The following CLEC2A variants were observed in gnomAD, a reference collection of about 807,000 sequenced individuals.
CLEC2A encodes keratinocyte-associated C-type lectin.
Under a neutral mutation model 18.6 loss-of-function variants are expected in CLEC2A, and 19 were observed. The observed-to-expected ratio is 1.02, with a 90% CI of 0.71 to 1.50. The LOEUF is 1.50. CLEC2A is among the 40% of genes most tolerant of loss of function. The pLI, the probability that CLEC2A is intolerant of heterozygous loss-of-function variation, is 0.00. For synonymous variants in CLEC2A, 74 were observed against 64.0 expected, an observed-to-expected ratio of 1.16 and a Z score of -0.75; for missense variants, 190 against 207.9, an observed-to-expected ratio of 0.91 and a Z score of 0.53.
downstream of CLEC2A, chr12:9,895,793 G>A: frequency 6.5e-7 from 1 of 1,535,558 alleles, no homozygotes; most frequent in South Asian, 1.2e-5. Context: ...ATTTGCCAGA[G>A]AGATGCGATC....
At chr12:9,894,126 T>C (rs12304748), downstream of CLEC2A, among the ~76,000 whole-genome samples, 29 of 130,276 alleles carry the variant, frequency 2.2e-4, no homozygotes, top group South Asian at 1.9e-3. Context: ...TTTCTTTTCT[T>C]TCTCTCTCTC....
the CLEC2A span, among the ~76,000 whole-genome samples, chr12:9,889,949 T>C: frequency 6.6e-6 from 1 of 152,130 alleles, no homozygotes; most frequent in Non-Finnish European, 1.5e-5. Flanking sequence ...TTTTTTATTA[T>C]ATACTTAAAT....
At chr12:9,892,518 A>G in the CLEC2A span, among the ~76,000 whole-genome samples, 1 of 151,862 alleles carries the variant, frequency 6.6e-6, no homozygotes, top group Non-Finnish European at 1.5e-5. Context: ...TCCATCATCC[A>G]AAACCCTGCC....
At chr12:9,888,622 C>G in the CLEC2A span, 6 of 601,008 alleles carry the variant, frequency 1.0e-5, no homozygotes, top group African/African-American at 7.3e-5. Flanking sequence ...AAGAGAAACT[C>G]ACAATTTTTA....
At chr12:9,915,588 C>A (rs1330944623) in intron 4 of CLEC2A, among the ~76,000 whole-genome samples, 2 of 152,082 alleles carry the variant, frequency 1.3e-5, no homozygotes, top group African/African-American at 2.4e-5. Flanking sequence ...TCATCCTCAG[C>A]AAACTAACAC....
downstream of CLEC2A, among the ~76,000 whole-genome samples, chr12:9,911,798 A>G (rs566810815): frequency 3.0e-4 from 45 of 152,284 alleles, no homozygotes; most frequent in Middle Eastern, 6.8e-3. Flanking sequence ...ATTTTTTTTA[A>G]GAGACAGGGC....
At chr12:9,892,047 C>A in the CLEC2A span, among the ~76,000 whole-genome samples, 4 of 152,154 alleles carry the variant, frequency 2.6e-5, no homozygotes, top group Non-Finnish European at 5.9e-5. Context: ...ACCTTCCAAT[C>A]AGGTGGAGGA....
chr12:9,897,997 G>C (rs545036302), downstream of CLEC2A, among the ~76,000 whole-genome samples: 3 of 152,214 alleles, frequency 2.0e-5, no homozygotes, highest in South Asian at 4.1e-4. Flanking sequence ...TCATTAAAAA[G>C]AAATCAAACT....
intron 4 of CLEC2A, 70 bp downstream of exon 4, chr12:9,916,630 C>A (rs1363176647): frequency 3.0e-6 from 3 of 1,013,538 alleles, no homozygotes; most frequent in East Asian, 2.6e-5. Context: ...AATAATACAA[C>A]TCAAAATGAT....
At position 9,913,327 on chromosome 12, in the gene CLEC2A, A is replaced by T. The variant is rs74715174; in HGVS notation, c.*239T>A. On this transcript the variant is annotated 3_prime_UTR_variant, in exon 5 of 5. Transcript: ENST00000455827. Reference sequence around the variant, plus strand: ...TGGAGCCATCCATCAGGAGGTGATTAGTTCATGAGGATGGAGCCATAGTAA... The same window carrying T: ...TGGAGCCATCCATCAGGAGGTGATTTGTTCATGAGGATGGAGCCATAGTAA... 0.05 allele frequency: 23,650 copies of T among 477,068 alleles called. 804 individuals carry two copies. The highest frequency in any genetic ancestry group is 0.12 in the East Asian group (2,548 of 21,434). 29.6% of individuals were successfully genotyped at this position (477,068 alleles called of 1,614,324 possible).
chr12:9,881,427 A>T, the CLEC2A span: 1 of 555,142 alleles, frequency 1.8e-6, no homozygotes, highest in South Asian at 2.5e-5. Flanking sequence ...TTACCAACAC[A>T]TCCTGTGTGG....
chr12:9,888,054 C>CAAAAAAAAAA, the CLEC2A span, among the ~76,000 whole-genome samples: 1 of 65,528 alleles, frequency 1.5e-5, no homozygotes, highest in East Asian at 4.6e-4. Context: ...GACCCTGTGT[C>CAAAAAAAAAA]AAAAAAAAAA....
At chr12:9,886,731 A>G in the CLEC2A span, among the ~76,000 whole-genome samples, 2 of 139,526 alleles carry the variant, frequency 1.4e-5, no homozygotes, top group African/African-American at 2.6e-5. Flanking sequence ...CTGTCGGTCT[A>G]TTTACACAGT....
In CLEC2A at chr12:9,900,155, G is replaced by A. The variant is rs576560720; in HGVS notation, c.411-1179C>T. 5.3e-5 allele frequency among the ~76,000 whole-genome samples: 8 copies of A among 152,256 alleles called. No individual in the cohort carries two copies. The East Asian group carries it at 5.8e-4, about 11-fold the overall frequency. On this transcript the variant is annotated intron_variant, in intron 4 of 4. Coordinates refer to the CLEC2A transcript ENST00000339766. ...TACTTTCCCACAAAAGAAACCTTCC[G>A]TTGATGGGCACCCTATTTATTCCCA...
intron 4 of CLEC2A, 133 bp from the exon 5 acceptor site, chr12:9,913,813 T>C (rs1863026048): frequency 1.7e-6 from 1 of 571,768 alleles, no homozygotes. Context: ...CCCATCACCA[T>C]ATGCTGCATT....
At chr12:9,903,125 C>A (rs533415035) in intron 4 of CLEC2A, among the ~76,000 whole-genome samples, 2 of 151,594 alleles carry the variant, frequency 1.3e-5, no homozygotes, top group Non-Finnish European at 2.9e-5. Context: ...AAGGACATTA[C>A]ACAATTAAAC....
intron 2 of CLEC2A, among the ~76,000 whole-genome samples, chr12:9,925,683 A>G (rs1863258195): frequency 6.6e-6 from 1 of 152,228 alleles, no homozygotes; most frequent in Non-Finnish European, 1.5e-5. Context: ...ATAGAAATTG[A>G]TCCTCCTAGT....
intron 3 of CLEC2A, among the ~76,000 whole-genome samples, chr12:9,920,371 T>C (rs1863148703): frequency 6.6e-6 from 1 of 152,172 alleles, no homozygotes; most frequent in Non-Finnish European, 1.5e-5. Context: ...TAGCTCTGTG[T>C]GTCAGACTGA....
chr12:9,886,114 A>T, the CLEC2A span, among the ~76,000 whole-genome samples: 1 of 152,178 alleles, frequency 6.6e-6, no homozygotes, highest in East Asian at 1.9e-4. Flanking sequence ...GCTATTGAGA[A>T]GAAATCAATG....
Sources: allele counts gnomAD v4.1 joint callset (sites outside exome capture counted in the v4.1 genomes callset), GRCh38; gene constraint gnomAD v4.1.1; transcripts MANE v1.5; gene names NCBI Gene and HGNC (gene_info 2026-07-23, HGNC 2026-07-21).